FHIT: variants seen among roughly 807,000 people sequenced by gnomAD.
FHIT encodes fragile histidine triad diadenosine triphosphatase, also known as bis(5'-adenosyl)-triphosphatase.
In FHIT, 19 loss-of-function variants were observed where a neutral mutation model predicts 17.9. The observed-to-expected ratio is 1.06, with a 90% CI of 0.74 to 1.56. The LOEUF is 1.56. FHIT is among the 40% of genes most tolerant of loss of function. FHIT has a pLI of 0.00. For missense variants in FHIT, 248 were observed against 189.2 expected, an observed-to-expected ratio of 1.31 and a Z score of -1.82; for synonymous variants, 81 against 69.7, an observed-to-expected ratio of 1.16 and a Z score of -0.81.
chr3:61,110,618 T>A (rs2036130357), intron 2 of FHIT, among the ~76,000 whole-genome samples: 1 of 152,164 alleles, frequency 6.6e-6, no homozygotes, highest in Non-Finnish European at 1.5e-5. Context: ...TTCTACTCAT[T>A]CTTCTGCCTA....
At chr3:60,495,383 G>C (rs529032250) in intron 5 of FHIT, among the ~76,000 whole-genome samples, 3 of 151,564 alleles carry the variant, frequency 2.0e-5, no homozygotes, top group African/African-American at 7.2e-5. Flanking sequence ...TTTCCCAACT[G>C]TTTTCTATTT....
At chr3:60,578,051 A>C (rs902447633) in intron 4 of FHIT, among the ~76,000 whole-genome samples, 1 of 152,130 alleles carries the variant, frequency 6.6e-6, no homozygotes, top group African/African-American at 2.4e-5. Flanking sequence ...ATTAAAAATC[A>C]TCAACTTGTC....
chr3:61,005,568 T>G (rs1185010590), intron 3 of FHIT, among the ~76,000 whole-genome samples: 2 of 152,156 alleles, frequency 1.3e-5, no homozygotes, highest in Non-Finnish European at 2.9e-5. Flanking sequence ...AAGAATTCCT[T>G]AAATAAGGTT....
intron 5 of FHIT, among the ~76,000 whole-genome samples, chr3:60,163,599 C>T (rs1162630681): frequency 6.6e-6 from 1 of 152,144 alleles, no homozygotes; most frequent in Non-Finnish European, 1.5e-5. Flanking sequence ...CCCTTCAGAC[C>T]TCCCTGGAGG....
At chr3:60,031,652 T>TA (rs903133591) in intron 5 of FHIT, among the ~76,000 whole-genome samples, 3 of 152,162 alleles carry the variant, frequency 2.0e-5, no homozygotes, top group Admixed American at 2.0e-4. Flanking sequence ...ATTCTAGCAT[T>TA]AAAAGCAAAA....
intron 3 of FHIT, among the ~76,000 whole-genome samples, chr3:60,849,461 T>TAA (rs1703058372): frequency 7.0e-6 from 1 of 143,454 alleles, no homozygotes; most frequent in Non-Finnish European, 1.5e-5. Context: ...TATATATATA[T>TAA]ATAAAATTAT....
intron 5 of FHIT, among the ~76,000 whole-genome samples, chr3:60,414,090 G>T (rs1253623460): frequency 6.6e-6 from 1 of 152,178 alleles, no homozygotes; most frequent in Non-Finnish European, 1.5e-5. Flanking sequence ...ACAGAGAAAT[G>T]CATTTACATA....
At chr3:61,249,987 CACAA>C (rs1305919759) in intron 1 of FHIT, among the ~76,000 whole-genome samples, 78 of 128,394 alleles carry the variant, frequency 6.1e-4, no homozygotes, top group African/African-American at 1.9e-3. Flanking sequence ...CACACACACA[CACAA>C]ACCCTAGACT....
chr3:60,703,278 A>G (rs1480227002), intron 4 of FHIT, among the ~76,000 whole-genome samples: 1 of 152,192 alleles, frequency 6.6e-6, no homozygotes, highest in Non-Finnish European at 1.5e-5. Flanking sequence ...GAGCCTTCAA[A>G]GGCAGGATGT....
chr3:59,791,799 T>C (rs1452487206), intron 8 of FHIT, among the ~76,000 whole-genome samples: 2 of 152,292 alleles, frequency 1.3e-5, no homozygotes, highest in African/African-American at 4.8e-5. Context: ...AAGGGCTATG[T>C]ATCTTTTGGA....
intron 3 of FHIT, among the ~76,000 whole-genome samples, chr3:60,866,119 C>G (rs2859551): frequency 6.6e-6 from 1 of 152,134 alleles, no homozygotes; most frequent in African/African-American, 2.4e-5. Flanking sequence ...GTTCCTCTCT[C>G]TATAACTTCT....
chr3:59,762,915 A>G (rs1701598274), intron 8 of FHIT, among the ~76,000 whole-genome samples: 1 of 152,244 alleles, frequency 6.6e-6, no homozygotes, highest in African/African-American at 2.4e-5. Flanking sequence ...TTCTAAAAAC[A>G]TGCTCACTGA....
At chr3:60,687,094 C>T (rs782585949) in intron 4 of FHIT, among the ~76,000 whole-genome samples, 3 of 152,170 alleles carry the variant, frequency 2.0e-5, no homozygotes, top group Non-Finnish European at 2.9e-5. Context: ...ACAATGTTAA[C>T]GTTAAATAAC....
intron 5 of FHIT, among the ~76,000 whole-genome samples, chr3:60,085,674 AAGATAC>A (rs1408275407): frequency 6.6e-6 from 1 of 152,188 alleles, no homozygotes; most frequent in Non-Finnish European, 1.5e-5. Flanking sequence ...GGGAGGTCAG[AAGATAC>A]ATCTCCAAAG....
chr3:61,093,584 A>T (rs1253997872), intron 2 of FHIT, among the ~76,000 whole-genome samples: 1 of 152,260 alleles, frequency 6.6e-6, no homozygotes, highest in Non-Finnish European at 1.5e-5. Flanking sequence ...AAGGAAAGGT[A>T]CATTCAAAGC....
chr3:59,884,270 A>T (rs1227966708), intron 8 of FHIT, among the ~76,000 whole-genome samples: 1 of 152,252 alleles, frequency 6.6e-6, no homozygotes, highest in Admixed American at 6.5e-5. Context: ...GATTACTCAC[A>T]AATTGTGTGG....
chr3:60,798,233 A>T (rs7643657), intron 4 of FHIT, among the ~76,000 whole-genome samples: 1 of 152,218 alleles, frequency 6.6e-6, no homozygotes, highest in Non-Finnish European at 1.5e-5. Context: ...TATCTTAAAA[A>T]AAAACCACCT....
rs1391486949 is a variant in FHIT at position 59,770,014 on chromosome 3, G to T, written c.349-17693C>A. ...GCATTGCCTTTTCCATTTCAATTTGGGTTGATGAAAAATGAGAGACAAGGA... is the reference window on the plus strand; with the variant it reads ...GCATTGCCTTTTCCATTTCAATTTGTGTTGATGAAAAATGAGAGACAAGGA... On this transcript the variant is annotated intron_variant, in intron 8 of 9. Transcript: ENST00000492590. 4.6e-5 allele frequency among the ~76,000 whole-genome samples: 7 copies of T among 151,980 alleles called. No individual in the cohort carries two copies. In the South Asian group the frequency reaches 1.5e-3, roughly 32 times the overall value.
chr3:60,871,578 G>A (rs1704419356), intron 3 of FHIT, among the ~76,000 whole-genome samples: 1 of 152,082 alleles, frequency 6.6e-6, no homozygotes, highest in African/African-American at 2.4e-5. Flanking sequence ...TAAGGAAGGG[G>A]CCCAGGAATG....
Sources: gnomAD v4.1 joint callset for allele counts (sites outside exome capture counted in the v4.1 genomes callset) on GRCh38, gnomAD v4.1.1 for gene constraint, MANE v1.5 for transcripts, NCBI Gene and HGNC (gene_info 2026-07-23, HGNC 2026-07-21) for gene names.